Variants in HELZ2 observed in about 807,000 individuals in gnomAD.
HELZ2 encodes helicase with zinc finger 2, also known as 3'-5' exoribonuclease HELZ2.
In HELZ2, 143 loss-of-function variants were observed where a neutral mutation model predicts 208.8. The ratio of observed to expected loss-of-function variants is 0.68; its 90% CI spans 0.60 to 0.79. HELZ2 has a LOEUF of 0.79. HELZ2 is among the 30% of genes least tolerant of loss of function. HELZ2 has a pLI of 0.00. For missense variants in HELZ2, 3,690 were observed against 3,794.5 expected (o/e 0.97, Z 0.72); for synonymous variants, 1,705 against 1,693.7 (o/e 1.01, Z -0.16).
chr20:63,570,211 C>T (rs900806342), intron 3 of HELZ2: 15 of 544,960 alleles, frequency 2.8e-5, no homozygotes, highest in Non-Finnish European at 5.0e-5. Flanking sequence ...CCACCTGCCT[C>T]GGTCTCCCAA....
chr20:63,568,930 C>G (rs151002657), exon 5 of HELZ2: 4 of 1,608,620 alleles, frequency 2.5e-6, no homozygotes, highest in Non-Finnish European at 3.4e-6. Flanking sequence ...CTCCCGGAGG[C>G]GCGAAGAGCA....
At chr20:63,563,885 G>C in exon 8 of HELZ2, 1 of 1,599,238 alleles carries the variant, frequency 6.3e-7, no homozygotes, top group Non-Finnish European at 8.5e-7. Flanking sequence ...GCGGCCGAAC[G>C]CCGAGCGCTC....
At chr20:63,563,256 G>C in exon 8 of HELZ2, 1 of 1,559,438 alleles carries the variant, frequency 6.4e-7, no homozygotes, top group South Asian at 1.2e-5. Context: ...AGCTCCCGCC[G>C]CTGGGACGCC....
exon 8 of HELZ2, chr20:63,563,584 G>A (rs371308194): frequency 6.0e-5 from 92 of 1,530,562 alleles, no homozygotes; most frequent in South Asian, 1.9e-4. Flanking sequence ...CCGCCTCCAC[G>A]TCCACCACGA....
At chr20:63,569,212 A>G (rs774661751) in exon 4 of HELZ2, 12 of 1,555,628 alleles carry the variant, frequency 7.7e-6, no homozygotes, top group Admixed American at 2.0e-5. Context: ...CTCTGCCGAT[A>G]GTTGGTTGGT....
In HELZ2 at chr20:63,559,559, G is replaced by GT. The variant is rs1472652069; in HGVS notation, c.7826-190_7826-189insA. ...TGGGAGGAGTCAGGGTCAGGTGGGA[G>GT]GAGTCAGGGTCAGGTGGGAGGAGTC... On this transcript the variant is annotated intron_variant, in intron 18 of 18. Transcript: ENST00000467148. Among the ~76,000 whole-genome samples, 33 of 63,646 alleles carry GT rather than the reference G, an allele frequency of 5.2e-4. 8 individuals are homozygous for GT. The East Asian group carries it at 0.029, about 56-fold the overall frequency. The allele number at this position is 63,646 out of a possible 152,430, so 41.8% of individuals were successfully genotyped here.
exon 6 of HELZ2, chr20:63,567,324 G>A (rs762758254): frequency 1.9e-6 from 3 of 1,608,788 alleles, no homozygotes; most frequent in Non-Finnish European, 2.5e-6. Context: ...CCAGCGGGGT[G>A]AGGGCCTCGC....
chr20:63,564,282 C>T lies in HELZ2; in HGVS notation c.4540G>A (p.Gly1514Ser), dbSNP rs747764389. Residue 1514 changes from glycine (G) to serine (S), a missense_variant, in exon 8 of 19, where the codon GGC becomes AGC. Physicochemically the swap from Gly to Ser is moderately conservative, Grantham distance 56. Around this residue, in one of 3 missense-constraint regions of HELZ2, gnomAD observed 2,564 missense variants for 2,580.5 expected, o/e 0.99. Coordinates refer to ENST00000467148, the Ensembl canonical transcript of HELZ2. The stretch of plus-strand genomic sequence containing the variant: ...TGGGCCGCGCGGAAGCCCAGGGTGC[C>T]GTCCTCGTCCGGCTGCTCATAGAAG... 2.1e-5 allele frequency: 33 copies of T among 1,609,264 alleles called. No homozygotes were observed. The highest frequency in any genetic ancestry group is 3.3e-5 in the South Asian group (3 of 90,624).
At chr20:63,569,798 GC>G in intron 3 of HELZ2, 133 bp from the exon 5 acceptor site, 1 of 1,017,798 alleles carries the variant, frequency 9.8e-7, no homozygotes, top group Non-Finnish European at 1.4e-6. Flanking sequence ...ACGCAAGCAG[GC>G]CACCCGGCCT....
intron 6 of HELZ2, 54 bp from the exon 8 acceptor site, chr20:63,566,507 ACCCCCG>A: frequency 1.4e-6 from 2 of 1,434,202 alleles, no homozygotes; most frequent in Non-Finnish European, 1.9e-6. Context: ...GGACTCGGCC[ACCCCCG>A]ACAAGGAGAG....
rs115930643 is a variant in HELZ2, at chr20:63,566,110, G to A, written c.2712C>T (p.Arg904=). Reference sequence around the variant, plus strand: ...CCACTACCACCAGCTGGGACTGGGCGCGGGTCAGGACGGTGTTGAGCACGC... The same window carrying A: ...CCACTACCACCAGCTGGGACTGGGCACGGGTCAGGACGGTGTTGAGCACGC... The change falls in exon 8 of 19, where the codon CGC becomes CGT. Residue 904 remains arginine, a synonymous_variant. Transcript: ENST00000467148. 2.9e-4 allele frequency: 467 copies of A among 1,584,494 alleles called. 2 individuals carry two copies. The African/African-American group carries it at 5.3e-3, about 18-fold the overall frequency.
exon 8 of HELZ2, chr20:63,564,936 C>T: frequency 1.2e-6 from 2 of 1,610,856 alleles, no homozygotes; most frequent in Non-Finnish European, 1.7e-6. Flanking sequence ...ATGCGGAGGC[C>T]CTGCTCCCAG....
chr20:63,565,364 C>A, exon 8 of HELZ2: 1 of 1,607,172 alleles, frequency 6.2e-7, no homozygotes, highest in Non-Finnish European at 8.5e-7. Context: ...CTGGATGGGG[C>A]CCGAGGAGGC....
Position 63,564,778 on chromosome 20 carries a change from CT to C in HELZ2, c.4043del (p.Gln1348ArgfsTer93), listed in dbSNP as rs1442084158. On this transcript the variant is annotated frameshift_variant, in exon 8 of 19. Coordinates refer to ENST00000467148, the Ensembl canonical transcript of HELZ2. LOFTEE classifies it high-confidence loss of function. ...GGGCATCATCGAGGTTGCAGGCGCC[CT>C]GGGGGTCCACAGTGAAGGTCAAGAA... 2.5e-6 allele frequency: 4 copies of C among 1,611,892 alleles called. No individual in the cohort carries two copies. The highest frequency in any genetic ancestry group is 3.4e-6 in the Non-Finnish European group (4 of 1,179,330).
At chr20:63,558,826 C>T (rs532481741), downstream of HELZ2, 58 of 154,948 alleles carry the variant, frequency 3.7e-4, no homozygotes, top group South Asian at 9.9e-4. Context: ...CGTGAGCCAC[C>T]ACGCCCGGCA....
At chr20:63,564,768 T>G in exon 8 of HELZ2, 1 of 1,611,842 alleles carries the variant, frequency 6.2e-7, no homozygotes, top group Middle Eastern at 1.7e-4. Flanking sequence ...TCATCGAGGT[T>G]GCAGGCGCCC....
At chr20:63,565,291 A>G (rs2082938998) in exon 8 of HELZ2, 1 of 1,605,720 alleles carries the variant, frequency 6.2e-7, no homozygotes, top group Non-Finnish European at 8.5e-7. Context: ...TGTCTCCCGA[A>G]AGGAGCTGCA....
At chr20:63,570,478 C>T (rs753705542) in intron 3 of HELZ2, 26 bp downstream of exon 4, 1 of 1,591,602 alleles carries the variant, frequency 6.3e-7, no homozygotes, top group South Asian at 1.1e-5. Flanking sequence ...GCTCCCTCCG[C>T]CCAGTCGGAG....
rs768544860 is a variant in HELZ2 at position 63,565,782 on chromosome 20, C to T, written c.3040G>A (p.Ala1014Thr). 1.9e-6 allele frequency: 3 copies of T among 1,600,378 alleles called. No individual in the cohort carries two copies. The South Asian group carries it at 3.3e-5, about 18-fold the overall frequency. Residue 1014 changes from alanine (A) to threonine (T), a missense_variant, in exon 8 of 19, where the codon GCA (alanine) becomes ACA (threonine). Ala to Thr is a moderately conservative substitution (Grantham distance 58). Transcript: ENST00000467148. ...GCAGCCTCCGTCTGCGCTGTGGTTG[C>T]CGTGATGTCACGGGATGCTGGGCTC...
Sources: allele counts gnomAD v4.1 joint callset (sites outside exome capture counted in the v4.1 genomes callset), GRCh38; gene constraint gnomAD v4.1.1; regional missense constraint gnomAD v4.1.1; transcripts MANE v1.5; gene names NCBI Gene and HGNC (gene_info 2026-07-23, HGNC 2026-07-21).